Variants in CLUH observed in about 807,000 individuals in gnomAD.
CLUH encodes clustered mitochondria protein homolog.
CLUH carries 77 observed loss-of-function variants against 139.3 expected under a neutral mutation model. That is an observed-to-expected ratio of 0.55 (90% confidence interval 0.46 to 0.67). The LOEUF is 0.67. Ranked by LOEUF, CLUH falls within the 30% of genes least tolerant of loss-of-function variation. The pLI is 0.00. For synonymous variants in CLUH, 999 were observed against 801.6 expected, an observed-to-expected ratio of 1.25 and a Z score of -4.16; for missense variants, 1,876 against 1,875.8, an observed-to-expected ratio of 1.00 and a Z score of 0.00.
At chr17:2,711,358 G>C (rs980571578) in intron 1 of CLUH, among the ~76,000 whole-genome samples, 3 of 152,108 alleles carry the variant, frequency 2.0e-5, no homozygotes, top group Admixed American at 6.5e-5. Context: ...TGCCCTCCAC[G>C]GGACCGCACG....
rs1567575439 is a variant in CLUH at position 2,691,937 on chromosome 17, GCGGCCCCGC to G, written c.3655-51_3655-43del. On this transcript the variant is annotated intron_variant, in intron 23 of 25. Coordinates refer to ENST00000651024, the MANE Select transcript of CLUH (RefSeq NM_001366661.1). ...AGGGATCAGGCCCCCCCGTGCCCCC[GCGGCCCCGC>G]CCCCGCCCCGCCACGCCCCCGCCCC... is the stretch of plus-strand genomic sequence containing the variant. 4.1e-5 allele frequency: 43 copies of G among 1,055,008 alleles called. 2 individuals carry two copies. The highest frequency in any genetic ancestry group is 3.5e-4 in the African/African-American group (16 of 46,164). 65.4% of individuals were successfully genotyped at this position (1,055,008 alleles called of 1,614,324 possible). A position where few individuals can be genotyped will look rare whatever the true frequency, so the allele number is the denominator to read the frequency against.
chr17:2,694,278 T>TG lies in CLUH; in HGVS notation c.2938-3dup, dbSNP rs746308623. On this transcript the variant is annotated splice_region_variant and splice_polypyrimidine_tract_variant and intron_variant, in intron 17 of 25. Coordinates refer to ENST00000651024, the MANE Select transcript of CLUH (RefSeq NM_001366661.1). ...GAAGCTGTACTCCTTCAGCAGGACCTGGGGGGCAGCCCCCCCACCACAGGA... is the reference window on the plus strand; with the variant it reads ...GAAGCTGTACTCCTTCAGCAGGACCTGGGGGGGCAGCCCCCCCACCACAGGA... The TG allele has an allele frequency of 1.3e-6, 2 of 1,578,884 alleles. No individual in the cohort carries two copies. Among genetic ancestry groups the TG allele is most frequent in the South Asian group, 1.2e-5 (1 of 84,958 alleles).
Position 2,711,545 on chromosome 17 carries a change from GCCC to G in CLUH, c.100+14_100+16del. 1.1e-6 allele frequency: 1 copy of G among 893,402 alleles called. No individual in the cohort carries two copies. The allele number at this position is 893,402 out of a possible 1,614,324, so 55.3% of individuals were successfully genotyped here. A position where few individuals can be genotyped will look rare whatever the true frequency, so the allele number is the denominator to read the frequency against. On this transcript the variant is annotated intron_variant, in intron 1 of 25. Transcript: ENST00000651024. ...GCGCCCCCCGCCCAGCGGCCCGCTG[GCCC>G]TGGCCCCGCTCACCGGCCGCGCCCG...
rs1353542205 is a variant in CLUH at position 2,704,693 on chromosome 17, G to A, written c.101-129C>T. 14 of 904,082 alleles carry A rather than the reference G, an allele frequency of 1.5e-5. No homozygotes were observed. Among genetic ancestry groups the A allele is most frequent in the South Asian group, 5.2e-5 (3 of 58,218 alleles). 56.0% of individuals were successfully genotyped at this position (904,082 alleles called of 1,614,324 possible). A position where few individuals can be genotyped will look rare whatever the true frequency, so the allele number is the denominator to read the frequency against. On this transcript the variant is annotated intron_variant, in intron 1 of 25. Transcript: ENST00000651024. This position sits in a 1 kb window ranked among gnomAD's most constrained non-coding sequence, Gnocchi z 5.7. ...ATGCCCTCGAGAGTCCCAGCCTCACGGTCGCGCCTCGCCCTCCGTGCACCT... is the reference window on the plus strand; with the variant it reads ...ATGCCCTCGAGAGTCCCAGCCTCACAGTCGCGCCTCGCCCTCCGTGCACCT...
At position 2,691,909 on chromosome 17, in the gene CLUH, G is replaced by A; in HGVS notation, c.3655-14C>T. On this transcript the variant is annotated splice_polypyrimidine_tract_variant and intron_variant, in intron 23 of 25. Coordinates refer to ENST00000651024, the MANE Select transcript of CLUH (RefSeq NM_001366661.1). ...GTCCTCGCCCAGCTGCGGGGAGGCG[G>A]GAAGGGATCAGGCCCCCCCGTGCCC... is the stretch of plus-strand genomic sequence containing the variant. 6.7e-7 allele frequency: 1 copy of A among 1,499,198 alleles called. No individual in the cohort carries two copies. Among genetic ancestry groups the A allele is most frequent in the South Asian group, 1.2e-5 (1 of 82,832 alleles). 92.9% of individuals were successfully genotyped at this position (1,499,198 alleles called of 1,614,324 possible).
In CLUH at chr17:2,691,956, GCCACGCCCCC is replaced by G. The variant is rs777142675; in HGVS notation, c.3654+38_3654+47del. 662 of 439,968 alleles carry G rather than the reference GCCACGCCCCC, an allele frequency of 1.5e-3. 15 individuals carry two copies. The highest frequency in any genetic ancestry group is 8.5e-3 in the South Asian group (199 of 23,528). The allele number at this position is 439,968 out of a possible 1,614,324, so 27.3% of individuals were successfully genotyped here. A position where few individuals can be genotyped will look rare whatever the true frequency, so the allele number is the denominator to read the frequency against. ...GCCCCCGCGGCCCCGCCCCCGCCCC[GCCACGCCCCC>G]GCCCCGCCCCCGCCCCCGCCACGCC... On this transcript the variant is annotated intron_variant, in intron 23 of 25. Coordinates refer to ENST00000651024, the MANE Select transcript of CLUH (RefSeq NM_001366661.1).
At position 2,698,338 on chromosome 17, in the gene CLUH, T is replaced by C. The variant is rs1382687884; in HGVS notation, c.1519A>G (p.Thr507Ala). Reference protein sequence around the residue: ...YNAVDVEGLYTLGTVVVDYRG... With the variant: ...YNAVDVEGLYALGTVVVDYRG... ...TAATCCACCACCACCGTGCCCAGCG[T>C]GTACAGCCCCTCCACGTCCACCGCG... The change falls in exon 10 of 26, where the codon ACG becomes GCG. Residue 507 changes from threonine to alanine, a missense_variant. By Grantham distance (58) the Thr-to-Ala change is moderately conservative. Around this residue, in one of 3 missense-constraint regions of CLUH, gnomAD observed 1,454 missense variants for 1,384.4 expected, o/e 1.05. Transcript: ENST00000651024. 2 of 1,613,122 alleles carry C rather than the reference T, an allele frequency of 1.2e-6. No homozygotes were observed. Among genetic ancestry groups the C allele is most frequent in the Non-Finnish European group, 1.7e-6 (2 of 1,179,750 alleles).
At chr17:2,708,098 G>T in intron 1 of CLUH, 1 of 736,458 alleles carries the variant, frequency 1.4e-6, no homozygotes, top group Non-Finnish European at 1.7e-6. Flanking sequence ...CAGCTGGCCA[G>T]GGCGCCTTCC....
rs370674871 is a variant in CLUH at position 2,692,705 on chromosome 17, G to C, written c.3313-9C>G. Reference sequence around the variant, plus strand: ...TACAGGGCCAGGTGCATCTGCGGGCGGGGCGGAGACAGGTCAGGGTGGCCG... The same window carrying C: ...TACAGGGCCAGGTGCATCTGCGGGCCGGGCGGAGACAGGTCAGGGTGGCCG... On this transcript the variant is annotated splice_polypyrimidine_tract_variant and intron_variant, in intron 20 of 25. Transcript: ENST00000651024. The C allele has an allele frequency of 6.2e-7, 1 of 1,609,358 alleles. No individual in the cohort carries two copies. The highest frequency in any genetic ancestry group is 8.5e-7 in the Non-Finnish European group (1 of 1,177,614).
At position 2,694,887 on chromosome 17, in the gene CLUH, G is replaced by C; in HGVS notation, c.2822C>G (p.Ala941Gly). Residue 941 changes from alanine (A) to glycine (G), a missense_variant, in exon 16 of 26, where the codon GCC becomes GGC. By Grantham distance (60) the Ala-to-Gly change is moderately conservative (BLOSUM62 0). Transcript: ENST00000651024. ...GAGGTCGAAGTCAAAGTAGTTCTTG[G>C]CCTCCTGGCAGATGTTCTTCCAGAG... ...QELWKNICQE[A>G]KNYFDFDLEC... is the part of the protein sequence containing the mutation. The C allele has an allele frequency of 1.3e-6, 2 of 1,569,592 alleles. No homozygotes were observed. The highest frequency in any genetic ancestry group is 8.7e-7 in the Non-Finnish European group (1 of 1,155,690).
At chr17:2,693,207 C>T (rs1176581671) in intron 19 of CLUH, among the ~76,000 whole-genome samples, 2 of 146,272 alleles carry the variant, frequency 1.4e-5, no homozygotes, top group Non-Finnish European at 3.0e-5. Flanking sequence ...ACCATCCTGG[C>T]CAACATGATG....
At position 2,704,666 on chromosome 17, in the gene CLUH, G is replaced by A; in HGVS notation, c.101-102C>T. 8.8e-7 allele frequency: 1 copy of A among 1,142,062 alleles called. No homozygotes were observed. The highest frequency in any genetic ancestry group is 1.5e-5 in the African/African-American group (1 of 64,580). The allele number at this position is 1,142,062 out of a possible 1,614,324, so 70.7% of individuals were successfully genotyped here. A position where few individuals can be genotyped will look rare whatever the true frequency, so the allele number is the denominator to read the frequency against. The stretch of plus-strand genomic sequence containing the variant: ...ACACGTGCCTTCTGGAAAGGCATCT[G>A]CATGCCCTCGAGAGTCCCAGCCTCA... On this transcript the variant is annotated intron_variant, in intron 1 of 25. Coordinates refer to ENST00000651024, the MANE Select transcript of CLUH (RefSeq NM_001366661.1). The surrounding 1 kb of genome is among the most constrained non-coding windows in gnomAD (Gnocchi z 5.7).
intron 3 of CLUH, among the ~76,000 whole-genome samples, chr17:2,702,774 G>A (rs2070229422): frequency 6.6e-6 from 1 of 152,014 alleles, no homozygotes. Flanking sequence ...TTCACGCCCT[G>A]GGATGGTACT....
chr17:2,695,424 G>A lies in CLUH; in HGVS notation c.2494C>T (p.Leu832=). ...GCCGGGCTCCGCAGCACCAGCTCCA[G>A]CACCTTGCCCAGGTAGCGCATGTTG... is the stretch of plus-strand genomic sequence containing the variant. ...GINMRYLGKV[L]ELVLRSPARH... The change falls in exon 14 of 26, where the codon CTG becomes TTG. Residue 832 remains leucine, a synonymous_variant. Coordinates refer to ENST00000651024, the MANE Select transcript of CLUH (RefSeq NM_001366661.1). 1 of 1,612,632 alleles carries A rather than the reference G, an allele frequency of 6.2e-7. No individual in the cohort carries two copies. The highest frequency in any genetic ancestry group is 1.1e-5 in the South Asian group (1 of 91,062).
chr17:2,705,401 G>A (rs188288938), intron 1 of CLUH, among the ~76,000 whole-genome samples: 79 of 152,188 alleles, frequency 5.2e-4, no homozygotes, highest in African/African-American at 1.7e-3. Flanking sequence ...GCACCCACCT[G>A]AAGTCAGCCT....
intron 1 of CLUH, among the ~76,000 whole-genome samples, chr17:2,710,842 A>G (rs1440345864): frequency 6.6e-6 from 1 of 152,216 alleles, no homozygotes; most frequent in African/African-American, 2.4e-5. Context: ...ACTTTTCGCA[A>G]TAAGGCAGGT....
In CLUH at chr17:2,695,445, T is replaced by A; in HGVS notation, c.2473A>T (p.Met825Leu). The A allele has an allele frequency of 6.2e-7, 1 of 1,612,196 alleles. No homozygotes were observed. Among genetic ancestry groups the A allele is most frequent in the Non-Finnish European group, 8.5e-7 (1 of 1,179,756 alleles). ...TCCAGCACCTTGCCCAGGTAGCGCA[T>A]GTTGATGCCCCGCTGGCGCATCACC... ...AEVMRQRGIN[M>L]RYLGKVLELV... Residue 825 changes from methionine (M) to leucine (L), a missense_variant, in exon 14 of 26, where the codon ATG (methionine) becomes TTG (leucine). Met to Leu is a conservative substitution (Grantham distance 15). Coordinates refer to ENST00000651024, the MANE Select transcript of CLUH (RefSeq NM_001366661.1).
At chr17:2,697,750 G>C (rs1001349701) in intron 10 of CLUH, 146 bp downstream of exon 10, 5 of 783,400 alleles carry the variant, frequency 6.4e-6, no homozygotes, top group South Asian at 4.3e-5. Flanking sequence ...GGCAGGTGGG[G>C]ACGGGTCTCC....
At chr17:2,696,408 T>G (rs2069946202) in intron 12 of CLUH, 26 bp downstream of exon 12, 1 of 1,557,604 alleles carries the variant, frequency 6.4e-7, no homozygotes, top group East Asian at 2.4e-5. Flanking sequence ...GGAGGGCTCC[T>G]GCGCTGGCCG....
Sources: gnomAD v4.1 joint callset for allele counts (sites outside exome capture counted in the v4.1 genomes callset) on GRCh38, gnomAD v4.1.1 for gene constraint, gnomAD v4.1.1 regional missense constraint, Gnocchi (gnomAD v3.1) non-coding constraint, MANE v1.5 for transcripts, NCBI Gene and HGNC (gene_info 2026-07-23, HGNC 2026-07-21) for gene names.